Variants in KSR1 observed in about 807,000 individuals in gnomAD.
The protein encoded by KSR1 is kinase suppressor of ras.
In KSR1, 35 loss-of-function variants were observed where a neutral mutation model predicts 92.9. The observed-to-expected ratio is 0.38, with a 90% CI of 0.29 to 0.50. The LOEUF (loss-of-function observed/expected upper bound fraction) is 0.50. Among genes scored for constraint, KSR1 ranks in the 20% least tolerant of loss-of-function variants. The pLI, the probability that KSR1 is intolerant of heterozygous loss-of-function variation, is 0.94. For synonymous variants in KSR1, 467 were observed against 472.6 expected (o/e 0.99, Z 0.15); for missense variants, 972 against 1,158.5 (o/e 0.84, Z 2.34).
chr17:27,569,203 C>T (rs1357720187), intron 2 of KSR1, among the ~76,000 whole-genome samples: 1 of 152,106 alleles, frequency 6.6e-6, no homozygotes, highest in African/African-American at 2.4e-5. Context: ...TAGGGAAACC[C>T]ACTCTGTAGA....
chr17:27,493,252 G>C (rs1247236922), intron 1 of KSR1, among the ~76,000 whole-genome samples: 3 of 152,162 alleles, frequency 2.0e-5, no homozygotes, highest in Admixed American at 2.0e-4. Flanking sequence ...ATGTTCCCAA[G>C]GTCACCCAGT....
intron 1 of KSR1, among the ~76,000 whole-genome samples, chr17:27,494,893 A>C (rs2068934854): frequency 6.6e-6 from 1 of 152,156 alleles, no homozygotes; most frequent in Non-Finnish European, 1.5e-5. Context: ...TGTGCCTGGG[A>C]GGCGGCCCTG....
intron 1 of KSR1, among the ~76,000 whole-genome samples, chr17:27,471,619 C>A (rs1041519084): frequency 6.6e-6 from 1 of 152,114 alleles, no homozygotes; most frequent in Non-Finnish European, 1.5e-5. Flanking sequence ...GGGCATGGGG[C>A]TGTTTTTTCA....
At chr17:27,469,612 T>G (rs2019871350) in intron 1 of KSR1, among the ~76,000 whole-genome samples, 1 of 152,208 alleles carries the variant, frequency 6.6e-6, no homozygotes, top group Non-Finnish European at 1.5e-5. Flanking sequence ...TAAGAGTAGG[T>G]TAATTTTGGA....
At chr17:27,508,709 T>TTTTATTTA (rs60879548) in intron 1 of KSR1, among the ~76,000 whole-genome samples, 33,234 of 138,024 alleles carry the variant, frequency 0.24, 4,475 homozygotes, top group South Asian at 0.34. Context: ...CCTGAATTTT[T>TTTTATTTA]TTTATTTATT....
intron 1 of KSR1, among the ~76,000 whole-genome samples, chr17:27,487,663 A>G (rs955016714): frequency 6.7e-6 from 1 of 149,794 alleles, no homozygotes; most frequent in Non-Finnish European, 1.5e-5. Flanking sequence ...CATAAATTTT[A>G]TGGTTTTTTT....
intron 1 of KSR1, among the ~76,000 whole-genome samples, chr17:27,478,179 G>A (rs1168775750): frequency 6.6e-6 from 1 of 152,202 alleles, no homozygotes; most frequent in Non-Finnish European, 1.5e-5. Flanking sequence ...CGAGGGTTCT[G>A]GAGTATGTGC....
intron 18 of KSR1, chr17:27,613,178 C>T (rs1433090426): frequency 6.6e-6 from 1 of 152,482 alleles, no homozygotes; most frequent in African/African-American, 2.4e-5. Context: ...GGGTGATGAG[C>T]ACTTCTCTGA....
At chr17:27,514,068 C>T (rs1049721765) in intron 1 of KSR1, among the ~76,000 whole-genome samples, 4 of 152,250 alleles carry the variant, frequency 2.6e-5, no homozygotes, top group African/African-American at 9.6e-5. Flanking sequence ...GTGGCGCTAA[C>T]GCCTTTGCCA....
At chr17:27,621,923 C>A in intron 20 of KSR1, 1 of 1,613,816 alleles carries the variant, frequency 6.2e-7, no homozygotes, top group African/African-American at 1.3e-5. Flanking sequence ...CTCTTTCCCT[C>A]TGTAGGTTGT....
At chr17:27,597,220 G>A in intron 9 of KSR1, 48 bp from the exon 10 acceptor site, 1 of 1,544,996 alleles carries the variant, frequency 6.5e-7, no homozygotes, top group South Asian at 1.2e-5. Context: ...GTGGGAGGCA[G>A]GTGGGGCCAG....
At chr17:27,474,355 A>G (rs559979485) in intron 1 of KSR1, among the ~76,000 whole-genome samples, 1 of 152,374 alleles carries the variant, frequency 6.6e-6, no homozygotes, top group Non-Finnish European at 1.5e-5. Context: ...TGTTCTTACT[A>G]TAAAGCTCTG....
chr17:27,518,722 C>T (rs2069899962), intron 1 of KSR1, among the ~76,000 whole-genome samples: 1 of 152,184 alleles, frequency 6.6e-6, no homozygotes, highest in Admixed American at 6.5e-5. Flanking sequence ...CTTAAGGCTG[C>T]GATGCTCAAA....
At chr17:27,622,617 G>C (rs140037677) in intron 20 of KSR1, 2 of 152,754 alleles carry the variant, frequency 1.3e-5, no homozygotes, top group East Asian at 3.8e-4. Context: ...AAGCAAAGAG[G>C]TACCTGGCTC....
At position 27,610,114 on chromosome 17, in the gene KSR1, C is replaced by T. The variant is rs2151245724; in HGVS notation, c.2273C>T (p.Ala758Val). Residue 758 changes from alanine to valine, a missense_variant, in exon 17 of 21, where the codon GCC (alanine) becomes GTC (valine). By Grantham distance (64) the Ala-to-Val change is moderately conservative (BLOSUM62 0). Around this residue, in one of 5 missense-constraint regions of KSR1, gnomAD observed 260 missense variants for 375.2 expected, o/e 0.69. Transcript: ENST00000644974. Reference sequence around the variant, plus strand: ...TCCCACGACTGGCTGTGCTATCTGGCCCCTGAGATTGTACGCGAGATGACC... The same window carrying T: ...TCCCACGACTGGCTGTGCTATCTGGTCCCTGAGATTGTACGCGAGATGACC... ...KLSHDWLCYL[A>V]PEIVREMTPG... is the part of the protein sequence containing the mutation. 1 of 1,613,982 alleles carries T rather than the reference C, an allele frequency of 6.2e-7. No individual in the cohort carries two copies.
intron 1 of KSR1, among the ~76,000 whole-genome samples, chr17:27,520,014 GTGC>G (rs2069957690): frequency 6.6e-6 from 1 of 152,238 alleles, no homozygotes; most frequent in African/African-American, 2.4e-5. Flanking sequence ...GGCAGAGGTG[GTGC>G]TTTGCAGATG....
chr17:27,523,465 G>A (rs2070125605), intron 1 of KSR1, among the ~76,000 whole-genome samples: 1 of 152,004 alleles, frequency 6.6e-6, no homozygotes, highest in African/African-American at 2.4e-5. Context: ...CTGCCATCAA[G>A]TTGCTCGCAG....
chr17:27,609,271 A>C lies in KSR1; in HGVS notation c.2167A>C (p.Lys723Gln), dbSNP rs2073849994. 1.9e-6 allele frequency: 3 copies of C among 1,613,850 alleles called. No homozygotes were observed. Among genetic ancestry groups the C allele is most frequent in the Non-Finnish European group, 2.5e-6 (3 of 1,179,890 alleles). The change falls in exon 16 of 21, where the codon AAG becomes CAG. Residue 723 changes from lysine (K) to glutamine (Q), a missense_variant. By Grantham distance (53) the Lys-to-Gln change is moderately conservative. This residue lies in a region of KSR1 where 260 missense variants were observed against 375.2 expected (regional missense o/e 0.69). Coordinates refer to ENST00000644974, the MANE Select transcript of KSR1 (RefSeq NM_001394583.1). ...KSKNVFYDNG[K>Q]VVITDFGLFG... ...TAAGAACGTCTTCTATGACAACGGC[A>C]AGGTGGTCATCACAGACTTCGGGCT...
intron 1 of KSR1, among the ~76,000 whole-genome samples, chr17:27,522,407 T>A (rs1264537071): frequency 8.5e-5 from 13 of 152,208 alleles, no homozygotes; most frequent in Non-Finnish European, 1.5e-5. Context: ...GCAGATCCAG[T>A]ATACATGTCA....
Sources: allele counts gnomAD v4.1 joint callset (sites outside exome capture counted in the v4.1 genomes callset), GRCh38; gene constraint gnomAD v4.1.1; regional missense constraint gnomAD v4.1.1; transcripts MANE v1.5; gene names NCBI Gene and HGNC (gene_info 2026-07-23, HGNC 2026-07-21).